The following ADGRG7 variants were observed in gnomAD, a reference collection of about 807,000 sequenced individuals.
The protein encoded by ADGRG7 is adhesion G protein-coupled receptor G7.
Under a neutral mutation model 88.6 loss-of-function variants are expected in ADGRG7, and 82 were observed. The ratio of observed to expected loss-of-function variants is 0.93; its 90% confidence interval spans 0.77 to 1.11. The LOEUF (loss-of-function observed/expected upper bound fraction) is 1.11, where lower values mean the gene tolerates loss of function less well. Ranked by LOEUF, ADGRG7 falls within the 50% of genes most tolerant of loss-of-function variation. The pLI is 0.00. For synonymous variants in ADGRG7, 381 were observed against 345.2 expected (o/e 1.10, Z -1.15); for missense variants, 945 against 953.4 (o/e 0.99, Z 0.12).
At chr3:100,669,987 G>T (rs1256926714) in intron 15 of ADGRG7, among the ~76,000 whole-genome samples, 1 of 152,010 alleles carries the variant, frequency 6.6e-6, no homozygotes, top group Non-Finnish European at 1.5e-5. Flanking sequence ...GCAGTGAGCT[G>T]AGATCACACC....
intron 1 of ADGRG7, among the ~76,000 whole-genome samples, chr3:100,613,538 T>TAA (rs35056308): frequency 6.8e-6 from 1 of 147,340 alleles, no homozygotes; most frequent in Admixed American, 6.8e-5. Flanking sequence ...CCCCCTAAAT[T>TAA]AAAAAAAAAA....
rs562892720 is a variant in ADGRG7 at position 100,650,666 on chromosome 3, G to T, written c.1379+859G>T. Among the ~76,000 whole-genome samples, 120 of 152,186 alleles carry T rather than the reference G, an allele frequency of 7.9e-4. 1 individual carries two copies. The highest frequency in any genetic ancestry group is 2.7e-3 in the African/African-American group (111 of 41,538). ...GTATCAGTATGTCCCATTATTGTTGGCTGTAAGTTTGATTCCTCGTTTAAA... is the reference window on the plus strand; with the variant it reads ...GTATCAGTATGTCCCATTATTGTTGTCTGTAAGTTTGATTCCTCGTTTAAA... On this transcript the variant is annotated intron_variant, in intron 11 of 15. Coordinates refer to ENST00000273352, the MANE Select transcript of ADGRG7 (RefSeq NM_032787.3).
chr3:100,661,992 T>C (rs1039877606), intron 14 of ADGRG7, among the ~76,000 whole-genome samples: 1 of 152,222 alleles, frequency 6.6e-6, no homozygotes, highest in Non-Finnish European at 1.5e-5. Flanking sequence ...GTAAGAATAC[T>C]TGAATTTATA....
chr3:100,629,710 T>G lies in ADGRG7; in HGVS notation c.228T>G (p.Ile76Met). Reference protein sequence around the residue: ...TEEWKGLRCTIANFCENSTYM... With the variant: ...TEEWKGLRCTMANFCENSTYM... ...AGTGGAAAGGACTGAGATGTACAAT[T>G]GGTAAATTACTTGGGATAATGCTAA... The change falls in exon 2 of 16, where the codon ATT becomes ATG. Residue 76 changes from isoleucine (I) to methionine (M), a missense_variant and splice_region_variant. Physicochemically the swap from Ile to Met is conservative, Grantham distance 10. Transcript: ENST00000273352. 1 of 1,591,770 alleles carries G rather than the reference T, an allele frequency of 6.3e-7. No homozygotes were observed. The highest frequency in any genetic ancestry group is 8.6e-7 in the Non-Finnish European group (1 of 1,159,950).
intron 15 of ADGRG7, 45 bp from the exon 16 acceptor site, chr3:100,694,699 G>A (rs762816066): frequency 2.7e-5 from 42 of 1,573,170 alleles, no homozygotes; most frequent in Middle Eastern, 1.8e-4. Flanking sequence ...CCTTGATACT[G>A]TATCTCAGCA....
At position 100,609,697 on chromosome 3, in the gene ADGRG7, C is replaced by T. The variant is rs2149008764; in HGVS notation, c.-160C>T. 1.8e-6 allele frequency: 1 copy of T among 556,778 alleles called. No homozygotes were observed. The allele number at this position is 556,778 out of a possible 1,614,324, so 34.5% of individuals were successfully genotyped here. A position where few individuals can be genotyped will look rare whatever the true frequency, so the allele number is the denominator to read the frequency against. ...TTCAAACTGCATCCTACTGGATTAG[C>T]CTCAAAAGTCCTAAAATACAAAGAC... On this transcript the variant is annotated 5_prime_UTR_variant, in exon 1 of 16. Coordinates refer to ENST00000273352, the MANE Select transcript of ADGRG7 (RefSeq NM_032787.3).
intron 15 of ADGRG7, among the ~76,000 whole-genome samples, chr3:100,685,793 G>A (rs1187960969): frequency 1.3e-5 from 2 of 152,112 alleles, no homozygotes; most frequent in African/African-American, 2.4e-5. Context: ...ATTTGGGTTG[G>A]TTCCAAGTCT....
At chr3:100,638,213 T>C (rs1403803096) in intron 6 of ADGRG7, among the ~76,000 whole-genome samples, 1 of 152,200 alleles carries the variant, frequency 6.6e-6, no homozygotes, top group East Asian at 1.9e-4. Flanking sequence ...GGGTCCCAAA[T>C]TCTTGTCCAG....
At chr3:100,678,410 G>C (rs115589208) in intron 15 of ADGRG7, among the ~76,000 whole-genome samples, 3 of 152,048 alleles carry the variant, frequency 2.0e-5, no homozygotes, top group African/African-American at 7.3e-5. Flanking sequence ...ACATATCTCT[G>C]TCTCTCTGGG....
At chr3:100,629,824 T>C (rs1311283252) in intron 2 of ADGRG7, 113 bp downstream of exon 2, 1 of 684,584 alleles carries the variant, frequency 1.5e-6, no homozygotes, top group Non-Finnish European at 2.5e-6. Context: ...ACAATGGACA[T>C]AATGATGATG....
Position 100,621,032 on chromosome 3 carries a change from G to A in ADGRG7, c.116-8566G>A, listed in dbSNP as rs1707304781. Among the ~76,000 whole-genome samples, 3 of 151,874 alleles carry A rather than the reference G, an allele frequency of 2.0e-5. No homozygotes were observed. The South Asian group carries it at 6.2e-4, about 32-fold the overall frequency. On this transcript the variant is annotated intron_variant, in intron 1 of 15. Coordinates refer to ENST00000273352, the MANE Select transcript of ADGRG7 (RefSeq NM_032787.3). ...GATCATGATCTTTGATGTTACTATT[G>A]CAATTGTTTTTGGGTGCCGTGAACC... is the stretch of plus-strand genomic sequence containing the variant.
At position 100,646,744 on chromosome 3, in the gene ADGRG7, T is replaced by C; in HGVS notation, c.1266+20T>C. Reference sequence around the variant, plus strand: ...TTAATGGTAAGGATATACATAGCAATCTCTTTCCAGATGAGAATTTTCCTT... The same window carrying C: ...TTAATGGTAAGGATATACATAGCAACCTCTTTCCAGATGAGAATTTTCCTT... On this transcript the variant is annotated intron_variant, in intron 10 of 15. Transcript: ENST00000273352. 2 of 1,598,008 alleles carry C rather than the reference T, an allele frequency of 1.3e-6. No individual in the cohort carries two copies. The highest frequency in any genetic ancestry group is 1.7e-6 in the Non-Finnish European group (2 of 1,169,068).
intron 1 of ADGRG7, among the ~76,000 whole-genome samples, chr3:100,624,869 G>A (rs1411148239): frequency 6.6e-6 from 1 of 152,012 alleles, no homozygotes; most frequent in Non-Finnish European, 1.5e-5. Context: ...TATTTCTGAG[G>A]TCTCTGTTCT....
chr3:100,658,224 T>C (rs1253055958), intron 13 of ADGRG7, among the ~76,000 whole-genome samples: 1 of 152,226 alleles, frequency 6.6e-6, no homozygotes, highest in African/African-American at 2.4e-5. Context: ...TGCTTTACTT[T>C]TAAATATATC....
At position 100,669,114 on chromosome 3, in the gene ADGRG7, C is replaced by A. The variant is rs113704770; in HGVS notation, c.2136+9C>A. The A allele has an allele frequency of 8.5e-6, 13 of 1,525,224 alleles. No individual in the cohort carries two copies. The African/African-American group carries it at 9.8e-5, about 11-fold the overall frequency. 94.5% of individuals were successfully genotyped at this position (1,525,224 alleles called of 1,614,324 possible). ...TTTTCAACACTACACAGGTATGGTG[C>A]GGATTAGTCTGAAAGTAGCAGAACA... is the stretch of plus-strand genomic sequence containing the variant. On this transcript the variant is annotated intron_variant, in intron 15 of 15. Coordinates refer to ENST00000273352, the MANE Select transcript of ADGRG7 (RefSeq NM_032787.3).
At chr3:100,673,350 G>A (rs981146745) in intron 15 of ADGRG7, among the ~76,000 whole-genome samples, 1 of 152,014 alleles carries the variant, frequency 6.6e-6, no homozygotes, top group Non-Finnish European at 1.5e-5. Flanking sequence ...TAGTTTATTT[G>A]CATAGAGGTT....
chr3:100,620,402 C>T (rs972551063), intron 1 of ADGRG7, among the ~76,000 whole-genome samples: 16 of 152,250 alleles, frequency 1.1e-4, no homozygotes, highest in East Asian at 1.9e-4. Context: ...ATCGATGGGA[C>T]GTATCTCAAA....
chr3:100,649,806 A>G lies in ADGRG7; in HGVS notation c.1378A>G (p.Arg460Gly). 1 of 1,539,316 alleles carries G rather than the reference A, an allele frequency of 6.5e-7. No individual in the cohort carries two copies. Among genetic ancestry groups the G allele is most frequent in the Non-Finnish European group, 9.0e-7 (1 of 1,114,326 alleles). Residue 460 changes from arginine (R) to glycine (G), a missense_variant and splice_region_variant, in exon 11 of 16, where the codon AGG becomes GGG. Coordinates refer to ENST00000273352, the MANE Select transcript of ADGRG7 (RefSeq NM_032787.3). The stretch of plus-strand genomic sequence containing the variant: ...CACAGTTATATTTCAGATTGTCACC[A>G]GGTAAGAGCAGAAGCAGGCTCTTTT... ...ALTVIFQIVT[R>G]KVRKTSVTWV...
intron 1 of ADGRG7, among the ~76,000 whole-genome samples, chr3:100,620,885 C>A (rs994245414): frequency 1.3e-5 from 2 of 151,280 alleles, no homozygotes; most frequent in Non-Finnish European, 2.9e-5. Flanking sequence ...TCAAGCAGGT[C>A]TGTTGGTCCC....
Sources: allele counts gnomAD v4.1 joint callset (sites outside exome capture counted in the v4.1 genomes callset), GRCh38; gene constraint gnomAD v4.1.1; transcripts MANE v1.5; gene names NCBI Gene and HGNC (gene_info 2026-07-23, HGNC 2026-07-21).